The following TBC1D15 variants were observed in gnomAD, a reference collection of about 807,000 sequenced individuals.
TBC1D15 encodes GAP for RAB7.
TBC1D15 carries 39 observed loss-of-function variants against 95.4 expected under a neutral mutation model. The ratio of observed to expected loss-of-function variants is 0.41; its 90% confidence interval spans 0.32 to 0.53. TBC1D15 has a LOEUF of 0.53. Among genes scored for constraint, TBC1D15 ranks in the 20% least tolerant of loss-of-function variants. The pLI is 0.29. For synonymous variants in TBC1D15, 258 were observed against 261.3 expected, an observed-to-expected ratio of 0.99 and a Z score of 0.12; for missense variants, 733 against 794.3, an observed-to-expected ratio of 0.92 and a Z score of 0.93.
At chr12:71,916,394 T>C (rs11831089) in intron 12 of TBC1D15, among the ~76,000 whole-genome samples, 13,166 of 152,238 alleles carry the variant, frequency 0.086, 651 homozygotes, top group South Asian at 0.14. Context: ...AATGATCCTG[T>C]TAATCAGAGT....
intron 5 of TBC1D15, among the ~76,000 whole-genome samples, chr12:71,891,002 AG>A (rs1897114547): frequency 1.3e-5 from 2 of 152,208 alleles, no homozygotes; most frequent in African/African-American, 2.4e-5. Context: ...TCCCTTAAAA[AG>A]CCAAATTTGT....
Position 71,923,059 on chromosome 12 carries a change from A to G in TBC1D15, c.1880A>G (p.Glu627Gly). The G allele has an allele frequency of 1.2e-6, 2 of 1,614,236 alleles. No homozygotes were observed. The highest frequency in any genetic ancestry group is 2.2e-5 in the South Asian group (2 of 91,088). The change falls in exon 17 of 17, where the codon GAA (glutamate) becomes GGA (glycine). Residue 627 changes from glutamate (E) to glycine (G), a missense_variant. Transcript: ENST00000485960. ...ACAACACCAGATTCAGACGTTGGTG[A>G]AGACGAAAATGTTGTCATGACTCCT... ...EVTTPDSDVG[E>G]DENVVMTPCP...
At position 71,919,172 on chromosome 12, in the gene TBC1D15, A is replaced by G. The variant is rs533380003; in HGVS notation, c.1599+624A>G. 2.7e-5 allele frequency among the ~76,000 whole-genome samples: 4 copies of G among 149,926 alleles called. No individual in the cohort carries two copies. In the South Asian group the frequency reaches 6.4e-4, roughly 24 times the overall value. ...AAAACCAAATCATTTCACATTTTCT[A>G]AAGTATTTGCTAATAATAAATCAGT... On this transcript the variant is annotated intron_variant, in intron 14 of 16. Transcript: ENST00000485960.
chr12:71,841,467 A>G (rs1363414588), intron 1 of TBC1D15, among the ~76,000 whole-genome samples: 2 of 152,140 alleles, frequency 1.3e-5, no homozygotes, highest in Non-Finnish European at 2.9e-5. Flanking sequence ...CTCCCAAGTA[A>G]TACTATCATG....
At chr12:71,903,139 C>T (rs1360666646) in intron 10 of TBC1D15, among the ~76,000 whole-genome samples, 1 of 152,136 alleles carries the variant, frequency 6.6e-6, no homozygotes, top group African/African-American at 2.4e-5. Flanking sequence ...TGGTCTTGAA[C>T]TCGTGGCCTT....
At chr12:71,882,463 G>A (rs563842461) in intron 4 of TBC1D15, among the ~76,000 whole-genome samples, 5 of 152,254 alleles carry the variant, frequency 3.3e-5, no homozygotes, top group South Asian at 2.1e-4. Context: ...CAGTTCTTCT[G>A]CTATTATATT....
intron 1 of TBC1D15, among the ~76,000 whole-genome samples, chr12:71,847,172 T>A (rs562399663): frequency 6.6e-6 from 1 of 152,280 alleles, no homozygotes; most frequent in East Asian, 1.9e-4. Flanking sequence ...TAATGATGTT[T>A]TCACCACCTC....
At chr12:71,888,192 T>TCA (rs1896596291) in intron 5 of TBC1D15, among the ~76,000 whole-genome samples, 1 of 152,198 alleles carries the variant, frequency 6.6e-6, no homozygotes, top group Admixed American at 6.5e-5. Context: ...AGTATGAGAA[T>TCA]CAGAGATGGG....
At chr12:71,915,504 A>G (rs1903489305) in intron 12 of TBC1D15, among the ~76,000 whole-genome samples, 1 of 151,982 alleles carries the variant, frequency 6.6e-6, no homozygotes, top group South Asian at 2.1e-4. Flanking sequence ...GTATCATGCA[A>G]TAAGTTTTCA....
chr12:71,881,840 C>A (rs1895217009), intron 4 of TBC1D15, among the ~76,000 whole-genome samples: 1 of 149,688 alleles, frequency 6.7e-6, no homozygotes, highest in South Asian at 2.1e-4. Context: ...ATCGCTTGAG[C>A]CTGGGAGGCA....
intron 5 of TBC1D15, among the ~76,000 whole-genome samples, chr12:71,892,412 A>C (rs1475079714): frequency 6.6e-6 from 1 of 152,080 alleles, no homozygotes; most frequent in East Asian, 1.9e-4. Flanking sequence ...TAACACATTT[A>C]ATTTTTATTT....
At chr12:71,903,012 A>G (rs1381163549) in intron 10 of TBC1D15, among the ~76,000 whole-genome samples, 1 of 152,114 alleles carries the variant, frequency 6.6e-6, no homozygotes, top group Admixed American at 6.5e-5. Context: ...TCCCGGGTTC[A>G]AGCAATTCTC....
chr12:71,901,169 C>T (rs1450978514), intron 10 of TBC1D15, among the ~76,000 whole-genome samples: 2 of 152,046 alleles, frequency 1.3e-5, no homozygotes, highest in Non-Finnish European at 2.9e-5. Context: ...TGCATGCACG[C>T]ACCATCACAC....
intron 12 of TBC1D15, among the ~76,000 whole-genome samples, chr12:71,917,035 C>A (rs936698127): frequency 1.3e-5 from 2 of 151,732 alleles, no homozygotes; most frequent in African/African-American, 4.8e-5. Context: ...TGAAAAGTAA[C>A]CTTTCCTAAT....
rs142969532 is a variant in TBC1D15 at position 71,879,283 on chromosome 12, C to T, written c.205-1186C>T. On this transcript the variant is annotated intron_variant, in intron 3 of 16. Transcript: ENST00000485960. ...GAGTAGCTGGGATTACAGGAATGTA[C>T]CACCATGTCTGGCTAACTTTTTTGT... Among the ~76,000 whole-genome samples, 343 of 152,174 alleles carry T rather than the reference C, an allele frequency of 2.3e-3. 2 individuals are homozygous for T. The highest frequency in any genetic ancestry group is 3.9e-3 in the Non-Finnish European group (267 of 68,012).
At chr12:71,920,707 A>G (rs1323914066) in intron 14 of TBC1D15, 24 bp from the exon 15 acceptor site, 2 of 1,558,080 alleles carry the variant, frequency 1.3e-6, no homozygotes, top group Non-Finnish European at 1.8e-6. Context: ...ACAATTTGCA[A>G]AATAGTTCTT....
chr12:71,877,495 TTTTC>T (rs1381841477), intron 3 of TBC1D15, among the ~76,000 whole-genome samples: 4 of 121,452 alleles, frequency 3.3e-5, no homozygotes, highest in South Asian at 3.1e-4. Context: ...TCTTTCCTGT[TTTTC>T]CTTCCTTCCT....
chr12:71,860,991 G>A (rs1475011884), intron 1 of TBC1D15, among the ~76,000 whole-genome samples: 3 of 152,058 alleles, frequency 2.0e-5, no homozygotes, highest in Admixed American at 2.0e-4. Context: ...TCATTCTAAT[G>A]ATGTGATATA....
At chr12:71,908,865 T>G (rs987500078) in intron 11 of TBC1D15, among the ~76,000 whole-genome samples, 11 of 152,194 alleles carry the variant, frequency 7.2e-5, no homozygotes, top group South Asian at 2.1e-4. Flanking sequence ...AAATAATTGG[T>G]CTGGGAGTAG....
Sources: gnomAD v4.1 joint callset for allele counts (sites outside exome capture counted in the v4.1 genomes callset) on GRCh38, gnomAD v4.1.1 for gene constraint, MANE v1.5 for transcripts, NCBI Gene and HGNC (gene_info 2026-07-23, HGNC 2026-07-21) for gene names.